Variants in VTI1A observed in about 807,000 individuals in gnomAD.
VTI1A encodes the protein vesicle transport through interaction with t-SNAREs 1A.
A neutral mutation model predicts 34.9 loss-of-function variants in VTI1A; 22 were observed. The ratio of observed to expected loss-of-function variants is 0.63; its 90% CI spans 0.45 to 0.90. The LOEUF (loss-of-function observed/expected upper bound fraction) is 0.90, where lower values mean the gene tolerates loss of function less well. Ranked by LOEUF, VTI1A falls within the 40% of genes least tolerant of loss-of-function variation. VTI1A has a pLI of 0.00. For synonymous variants in VTI1A, 87 were observed against 97.3 expected, an observed-to-expected ratio of 0.89 and a Z score of 0.62; for missense variants, 268 against 275.6, an observed-to-expected ratio of 0.97 and a Z score of 0.20.
At chr10:112,700,589 C>T (rs1007926063) in intron 7 of VTI1A, among the ~76,000 whole-genome samples, 1 of 152,134 alleles carries the variant, frequency 6.6e-6, no homozygotes, top group African/African-American at 2.4e-5. Flanking sequence ...TGAATGCAAG[C>T]CCAATTCTGA....
intron 7 of VTI1A, among the ~76,000 whole-genome samples, chr10:112,721,285 A>G (rs1177673478): frequency 6.6e-6 from 1 of 152,218 alleles, no homozygotes; most frequent in African/African-American, 2.4e-5. Context: ...GGTGGCATCA[A>G]GGAGCACTCA....
intron 7 of VTI1A, chr10:112,752,278 G>A: frequency 1.3e-6 from 1 of 776,740 alleles, no homozygotes; most frequent in Non-Finnish European, 1.6e-6. Context: ...ATCCAGCCTG[G>A]CTCCAGCCAG....
the VTI1A span, among the ~76,000 whole-genome samples, chr10:112,830,836 TATATATATA>T: frequency 4.1e-5 from 2 of 48,330 alleles, no homozygotes. Context: ...TATATATATA[TATATATATA>T]TATATTTTTT....
intron 7 of VTI1A, among the ~76,000 whole-genome samples, chr10:112,712,888 G>T (rs1564895262): frequency 6.6e-6 from 1 of 152,112 alleles, no homozygotes; most frequent in Non-Finnish European, 1.5e-5. Context: ...TTTAAATTTG[G>T]GGTGGCAGAT....
intron 3 of VTI1A, among the ~76,000 whole-genome samples, chr10:112,470,657 A>T (rs1848043858): frequency 6.6e-6 from 1 of 152,152 alleles, no homozygotes; most frequent in Non-Finnish European, 1.5e-5. Flanking sequence ...CAGGCGGATC[A>T]CTTGAAGTCA....
chr10:112,684,445 T>TTC (rs1848330094), intron 7 of VTI1A, among the ~76,000 whole-genome samples: 1 of 150,196 alleles, frequency 6.7e-6, no homozygotes, highest in African/African-American at 2.5e-5. Flanking sequence ...CTCTTTTTTT[T>TTC]TTTTTTTTTT....
chr10:112,550,947 AT>A (rs1400513526), intron 5 of VTI1A, among the ~76,000 whole-genome samples: 6 of 152,264 alleles, frequency 3.9e-5, no homozygotes, highest in Admixed American at 3.9e-4. Flanking sequence ...TTGTGTTTAT[AT>A]AAAGTACCTT....
chr10:112,681,152 T>G lies in VTI1A; in HGVS notation c.560+12154T>G, dbSNP rs558995646. On this transcript the variant is annotated intron_variant, in intron 7 of 7. Coordinates refer to ENST00000393077, the MANE Select transcript of VTI1A (RefSeq NM_145206.4). ...GTACAGTGGCCCAACAATAGCTCAC[T>G]GCAACCTCAACTTTCTGGGCTCAAG... Among the ~76,000 whole-genome samples, 4 of 151,744 alleles carry G rather than the reference T, an allele frequency of 2.6e-5. No homozygotes were observed. In the East Asian group the frequency reaches 7.8e-4, roughly 29 times the overall value.
intron 7 of VTI1A, among the ~76,000 whole-genome samples, chr10:112,813,736 A>G (rs1466021899): frequency 6.6e-6 from 1 of 152,196 alleles, no homozygotes; most frequent in East Asian, 1.9e-4. Flanking sequence ...TTAAGTCTGA[A>G]TTAGCTGTCA....
downstream of VTI1A, among the ~76,000 whole-genome samples, chr10:112,822,530 T>G (rs1853672214): frequency 6.6e-6 from 1 of 152,174 alleles, no homozygotes; most frequent in Non-Finnish European, 1.5e-5. Context: ...ATTTGGCATT[T>G]GGGGAAGGAC....
intron 5 of VTI1A, among the ~76,000 whole-genome samples, chr10:112,640,812 A>G (rs1342933869): frequency 2.0e-5 from 3 of 152,136 alleles, no homozygotes; most frequent in Non-Finnish European, 1.5e-5. Context: ...TGTATAAGAG[A>G]GGAGTAGCCC....
At chr10:112,727,151 A>G (rs1289199252) in intron 7 of VTI1A, among the ~76,000 whole-genome samples, 1 of 152,200 alleles carries the variant, frequency 6.6e-6, no homozygotes, top group Non-Finnish European at 1.5e-5. Context: ...AGGCCCCCCC[A>G]TCAGTTGTCA....
intron 5 of VTI1A, among the ~76,000 whole-genome samples, chr10:112,660,778 CTAA>C (rs1847416952): frequency 6.6e-6 from 1 of 152,078 alleles, no homozygotes; most frequent in Non-Finnish European, 1.5e-5. Context: ...GTTTTTATCC[CTAA>C]TTTGTTACAG....
In VTI1A at chr10:112,806,539, G is replaced by A. The variant is rs943067647; in HGVS notation, c.561-8751G>A. Among the ~76,000 whole-genome samples the A allele has an allele frequency of 6.6e-5, 10 of 151,786 alleles. No individual in the cohort carries two copies. In the East Asian group the frequency reaches 9.7e-4, roughly 15 times the overall value. The stretch of plus-strand genomic sequence containing the variant: ...GACCTCAAGTGATCTGCCCACCTCC[G>A]CCTCCCAAAGTGCTGGGATTACAGG... On this transcript the variant is annotated intron_variant, in intron 7 of 7. Transcript: ENST00000393077.
At chr10:112,450,745 AT>A (rs1385638752) in intron 1 of VTI1A, 1 of 152,222 alleles carries the variant, frequency 6.6e-6, no homozygotes, top group Non-Finnish European at 1.5e-5. Flanking sequence ...ATCTTAACTA[AT>A]TTTAGTAATT....
At chr10:112,457,360 C>G (rs1309506256) in intron 1 of VTI1A, among the ~76,000 whole-genome samples, 1 of 152,198 alleles carries the variant, frequency 6.6e-6, no homozygotes, top group Non-Finnish European at 1.5e-5. Context: ...GTATGCCAAG[C>G]TCAGTATAGT....
At chr10:112,802,337 G>C (rs1389395002) in intron 7 of VTI1A, among the ~76,000 whole-genome samples, 2 of 152,258 alleles carry the variant, frequency 1.3e-5, no homozygotes, top group East Asian at 3.8e-4. Flanking sequence ...AACCAAGGAG[G>C]ATCTAGTAAA....
chr10:112,741,191 C>T, intron 7 of VTI1A, among the ~76,000 whole-genome samples: 1 of 152,218 alleles, frequency 6.6e-6, no homozygotes, highest in South Asian at 2.1e-4. Flanking sequence ...CACGGTGGCT[C>T]ACGCCTGTAG....
intron 5 of VTI1A, among the ~76,000 whole-genome samples, chr10:112,661,526 C>T (rs556847612): frequency 4.8e-4 from 73 of 152,326 alleles, no homozygotes; most frequent in Non-Finnish European, 7.9e-4. Context: ...TTTCCCTTAA[C>T]ATTACCTGCA....
Sources: allele counts gnomAD v4.1 joint callset (sites outside exome capture counted in the v4.1 genomes callset), GRCh38; gene constraint gnomAD v4.1.1; transcripts MANE v1.5; gene names NCBI Gene and HGNC (gene_info 2026-07-23, HGNC 2026-07-21).